The following RSRC1 variants were observed in gnomAD, a reference collection of about 807,000 sequenced individuals.
RSRC1 encodes arginine and serine rich coiled-coil 1.
Under a neutral mutation model 49.1 loss-of-function variants are expected in RSRC1, and 39 were observed. The observed-to-expected ratio is 0.79, with a 90% CI of 0.61 to 1.04. The LOEUF is 1.04. Ranked by LOEUF, RSRC1 falls within the 50% of genes least tolerant of loss-of-function variation. RSRC1 has a pLI of 0.00. For missense variants in RSRC1, 388 were observed against 402.4 expected (o/e 0.96, Z 0.31); for synonymous variants, 143 against 130.8 (o/e 1.09, Z -0.63).
At position 158,323,265 on chromosome 3, in the gene RSRC1, A is replaced by G. The variant is rs181423198; in HGVS notation, c.531+25190A>G. Among the ~76,000 whole-genome samples, 282 of 151,954 alleles carry G rather than the reference A, an allele frequency of 1.9e-3. 1 individual carries two copies. The highest frequency in any genetic ancestry group is 2.8e-3 in the Non-Finnish European group (187 of 67,972). On this transcript the variant is annotated intron_variant, in intron 5 of 9. Coordinates refer to ENST00000611884, the MANE Select transcript of RSRC1 (RefSeq NM_001271838.2). ...GCTTGGATTTTGAGTGTTTATTGATATTGTCTGCTTTTTTAGCATGGCTCC... is the reference window on the plus strand; with the variant it reads ...GCTTGGATTTTGAGTGTTTATTGATGTTGTCTGCTTTTTTAGCATGGCTCC...
At chr3:158,526,683 GT>G (rs1712045656) in intron 7 of RSRC1, among the ~76,000 whole-genome samples, 1 of 151,900 alleles carries the variant, frequency 6.6e-6, no homozygotes, top group Non-Finnish European at 1.5e-5. Flanking sequence ...TATTGGCTCT[GT>G]TCAGAGAAAT....
At chr3:158,429,653 T>TA (rs1278784740) in intron 6 of RSRC1, among the ~76,000 whole-genome samples, 70 of 147,742 alleles carry the variant, frequency 4.7e-4, no homozygotes, top group African/African-American at 1.3e-3. Context: ...TAAGTGATCT[T>TA]AAAAAAAAAC....
rs78483441 is a variant in RSRC1, at chr3:158,389,156, A to T, written c.583+34248A>T. ...CCCTTCCCTCTTATAATTAACCCAG[A>T]CGTTTTATTCTTCCAATACAGATTT... On this transcript the variant is annotated intron_variant, in intron 6 of 9. Coordinates refer to ENST00000611884, the MANE Select transcript of RSRC1 (RefSeq NM_001271838.2). 8.8e-3 allele frequency among the ~76,000 whole-genome samples: 1,336 copies of T among 152,302 alleles called. 19 individuals are homozygous for T. Among genetic ancestry groups the T allele is most frequent in the African/African-American group, 0.031 (1,286 of 41,566 alleles).
chr3:158,305,578 CT>C (rs1727792939), intron 5 of RSRC1, among the ~76,000 whole-genome samples: 1 of 151,988 alleles, frequency 6.6e-6, no homozygotes, highest in Admixed American at 6.6e-5. Context: ...CAGGGGCTTT[CT>C]TGGGATCTAA....
At chr3:158,223,841 C>T (rs1428537747) in intron 4 of RSRC1, among the ~76,000 whole-genome samples, 1 of 151,712 alleles carries the variant, frequency 6.6e-6, no homozygotes, top group Non-Finnish European at 1.5e-5. Flanking sequence ...TTGTTGTTGC[C>T]TCTGTTTGGA....
intron 6 of RSRC1, among the ~76,000 whole-genome samples, chr3:158,442,009 G>T (rs548568073): frequency 2.4e-4 from 36 of 152,178 alleles, no homozygotes; most frequent in African/African-American, 8.4e-4. Context: ...TGTTTATACT[G>T]TACTGTAGTC....
intron 1 of RSRC1, among the ~76,000 whole-genome samples, chr3:158,118,411 T>TTC (rs1233529132): frequency 5.1e-5 from 4 of 78,180 alleles, no homozygotes; most frequent in East Asian, 5.5e-4. Context: ...GTACCTGGCC[T>TTC]TCTGTGTGTG....
intron 7 of RSRC1, among the ~76,000 whole-genome samples, chr3:158,519,493 G>T (rs1711541857): frequency 6.6e-6 from 1 of 151,528 alleles, no homozygotes. Flanking sequence ...GCCACCCAAA[G>T]AGCATTCTAG....
At chr3:158,124,315 T>G (rs901814579) in intron 3 of RSRC1, among the ~76,000 whole-genome samples, 3 of 152,154 alleles carry the variant, frequency 2.0e-5, no homozygotes, top group African/African-American at 7.2e-5. Context: ...TCCCCAGACA[T>G]GAGTTTACTA....
chr3:158,267,860 A>ATTTTTTTTTTT (rs368565806), intron 4 of RSRC1, among the ~76,000 whole-genome samples: 3 of 125,050 alleles, frequency 2.4e-5, no homozygotes, highest in East Asian at 2.4e-4. Flanking sequence ...TTCCATATCT[A>ATTTTTTTTTTT]TTTTTTTTTT....
chr3:158,379,884 C>T (rs1732609563), intron 6 of RSRC1, among the ~76,000 whole-genome samples: 1 of 151,254 alleles, frequency 6.6e-6, no homozygotes, highest in Non-Finnish European at 1.5e-5. Context: ...TTCTGTTTTA[C>T]CACTGTTTCC....
intron 3 of RSRC1, among the ~76,000 whole-genome samples, chr3:158,202,467 C>T (rs1422475437): frequency 6.7e-6 from 1 of 149,662 alleles, no homozygotes; most frequent in Non-Finnish European, 1.5e-5. Flanking sequence ...AGAAAATCCA[C>T]ATGTAAGTGG....
At chr3:158,306,677 G>A (rs1378295036) in intron 5 of RSRC1, among the ~76,000 whole-genome samples, 1 of 151,850 alleles carries the variant, frequency 6.6e-6, no homozygotes, top group Non-Finnish European at 1.5e-5. Context: ...AAAGGGGCTT[G>A]TGACATCTTT....
intron 5 of RSRC1, among the ~76,000 whole-genome samples, chr3:158,331,595 A>G (rs1729548656): frequency 6.6e-6 from 1 of 151,982 alleles, no homozygotes; most frequent in Non-Finnish European, 1.5e-5. Flanking sequence ...CCCTTCTCCC[A>G]TGTGAATTCT....
At chr3:158,247,198 G>A (rs1300347914) in intron 4 of RSRC1, among the ~76,000 whole-genome samples, 2 of 151,950 alleles carry the variant, frequency 1.3e-5, no homozygotes, top group African/African-American at 4.8e-5. Context: ...TGAATTGTGA[G>A]GTTATACTGT....
intron 4 of RSRC1, among the ~76,000 whole-genome samples, chr3:158,236,050 A>G (rs1269121584): frequency 6.6e-6 from 1 of 151,848 alleles, no homozygotes. Flanking sequence ...CAGGAGGCGG[A>G]GGTTGCAGTG....
At chr3:158,148,661 T>C (rs1236358305) in intron 3 of RSRC1, among the ~76,000 whole-genome samples, 2 of 152,062 alleles carry the variant, frequency 1.3e-5, no homozygotes, top group Non-Finnish European at 2.9e-5. Context: ...TGTGAGTTGA[T>C]TCTGCTGAGG....
At chr3:158,385,702 A>G (rs1732934365) in intron 6 of RSRC1, among the ~76,000 whole-genome samples, 1 of 152,186 alleles carries the variant, frequency 6.6e-6, no homozygotes, top group Admixed American at 6.5e-5. Context: ...TTGTTGACCC[A>G]AATGAATGAA....
At chr3:158,370,191 A>G (rs1731989724) in intron 6 of RSRC1, among the ~76,000 whole-genome samples, 1 of 151,882 alleles carries the variant, frequency 6.6e-6, no homozygotes, top group Non-Finnish European at 1.5e-5. Flanking sequence ...TTATGAAAAA[A>G]TTGTTTTTGC....
Sources: gnomAD v4.1 joint callset for allele counts (sites outside exome capture counted in the v4.1 genomes callset) on GRCh38, gnomAD v4.1.1 for gene constraint, MANE v1.5 for transcripts, NCBI Gene and HGNC (gene_info 2026-07-23, HGNC 2026-07-21) for gene names.